Variants in ZNF277 observed in about 807,000 individuals in gnomAD.
ZNF277 encodes the protein nuclear receptor-interacting factor 4.
In ZNF277, 55 loss-of-function variants were observed where a neutral mutation model predicts 60.7. The ratio of observed to expected loss-of-function variants is 0.91; its 90% CI spans 0.73 to 1.13. ZNF277 has a LOEUF of 1.13. ZNF277 is among the 50% of genes most tolerant of loss of function. The pLI is 0.00. For missense variants in ZNF277, 510 were observed against 523.0 expected (o/e 0.98, Z 0.24); for synonymous variants, 178 against 179.3 (o/e 0.99, Z 0.06).
At chr7:112,277,587 A>G (rs1055342853) in intron 1 of ZNF277, among the ~76,000 whole-genome samples, 11 of 152,220 alleles carry the variant, frequency 7.2e-5, no homozygotes, top group Non-Finnish European at 1.3e-4. Context: ...TTAAATTTAA[A>G]TTAATTAAAA....
chr7:112,245,137 T>C (rs1791054120), intron 1 of ZNF277, among the ~76,000 whole-genome samples: 1 of 152,218 alleles, frequency 6.6e-6, no homozygotes. Context: ...GTTCTTGGCT[T>C]TCTGATTTCT....
At chr7:112,307,447 ACT>A (rs1246982378) in intron 4 of ZNF277, among the ~76,000 whole-genome samples, 5 of 151,230 alleles carry the variant, frequency 3.3e-5, no homozygotes, top group Non-Finnish European at 5.9e-5. Flanking sequence ...AGACAGTCTC[ACT>A]CTGTCGCCAG....
At chr7:112,311,251 C>G (rs1792726241) in intron 4 of ZNF277, among the ~76,000 whole-genome samples, 1 of 152,098 alleles carries the variant, frequency 6.6e-6, no homozygotes, top group Non-Finnish European at 1.5e-5. Context: ...AGATGAAAGA[C>G]TAGGCATTGA....
At chr7:112,287,158 C>A in intron 2 of ZNF277, 84 bp downstream of exon 2, 3 of 1,436,232 alleles carry the variant, frequency 2.1e-6, no homozygotes, top group Non-Finnish European at 2.9e-6. Context: ...TTTGGGAGGC[C>A]AAAGTGGGAG....
At chr7:112,301,747 A>G (rs1443896322) in intron 4 of ZNF277, among the ~76,000 whole-genome samples, 1 of 150,844 alleles carries the variant, frequency 6.6e-6, no homozygotes, top group Non-Finnish European at 1.5e-5. Context: ...CTTTTCAATT[A>G]TAGTTAGTTA....
chr7:112,306,718 T>A (rs1040295259), intron 4 of ZNF277, among the ~76,000 whole-genome samples: 2 of 150,292 alleles, frequency 1.3e-5, no homozygotes, highest in African/African-American at 5.0e-5. Flanking sequence ...TGACCTATCC[T>A]GTCTTTTAAA....
At chr7:112,214,344 A>T (rs541136421) in intron 1 of ZNF277, among the ~76,000 whole-genome samples, 1 of 152,350 alleles carries the variant, frequency 6.6e-6, no homozygotes, top group South Asian at 2.1e-4. Flanking sequence ...CTTCTTAGAG[A>T]ACTTTGCCAC....
intron 1 of ZNF277, among the ~76,000 whole-genome samples, chr7:112,217,018 C>A (rs1040708471): frequency 6.6e-6 from 1 of 152,166 alleles, no homozygotes; most frequent in African/African-American, 2.4e-5. Flanking sequence ...AGGTTTCGTT[C>A]ATTCAAAAAT....
At chr7:112,334,839 CA>C (rs138194693) in intron 7 of ZNF277, among the ~76,000 whole-genome samples, 8,111 of 152,186 alleles carry the variant, frequency 0.053, 541 homozygotes, top group African/African-American at 0.16. Context: ...AGATTTAATT[CA>C]TTACCAAACT....
At chr7:112,218,415 T>C (rs1821942372) in intron 1 of ZNF277, among the ~76,000 whole-genome samples, 1 of 152,228 alleles carries the variant, frequency 6.6e-6, no homozygotes, top group African/African-American at 2.4e-5. Context: ...TATGTATTAA[T>C]ATACACTGTG....
At chr7:112,310,464 A>AGAGAGT (rs1792697851) in intron 4 of ZNF277, among the ~76,000 whole-genome samples, 1 of 144,584 alleles carries the variant, frequency 6.9e-6, no homozygotes, top group African/African-American at 2.8e-5. Context: ...TGAGAGAGAG[A>AGAGAGT]GAGAGAGAGA....
intron 4 of ZNF277, 23 bp downstream of exon 4, chr7:112,296,334 G>A (rs1272942247): frequency 7.6e-7 from 1 of 1,309,914 alleles, no homozygotes; most frequent in East Asian, 2.4e-5. Flanking sequence ...TTTAAAGGGT[G>A]AATAGTGTCT....
intron 7 of ZNF277, among the ~76,000 whole-genome samples, chr7:112,335,387 C>CA (rs1276559665): frequency 6.6e-6 from 1 of 152,004 alleles, no homozygotes; most frequent in East Asian, 1.9e-4. Flanking sequence ...CCAAGGGGAA[C>CA]AAAAGAATTG....
At chr7:112,207,362 C>CCTA (rs1189460663) in intron 1 of ZNF277, among the ~76,000 whole-genome samples, 1 of 152,144 alleles carries the variant, frequency 6.6e-6, no homozygotes, top group Non-Finnish European at 1.5e-5. Flanking sequence ...TCACAACCTC[C>CCTA]CTGTAGATGG....
At chr7:112,271,329 T>C (rs1174781059) in intron 1 of ZNF277, among the ~76,000 whole-genome samples, 1 of 152,180 alleles carries the variant, frequency 6.6e-6, no homozygotes, top group Non-Finnish European at 1.5e-5. Flanking sequence ...TCCAGCATCA[T>C]TTTATTCCCT....
At chr7:112,341,490 T>G (rs1006333863) in intron 11 of ZNF277, among the ~76,000 whole-genome samples, 1 of 152,240 alleles carries the variant, frequency 6.6e-6, no homozygotes, top group African/African-American at 2.4e-5. Context: ...TCTATATGCC[T>G]ACATTTTAGC....
chr7:112,337,990 A>G (rs897474917), intron 9 of ZNF277, among the ~76,000 whole-genome samples, 164 bp downstream of exon 9: 4 of 152,194 alleles, frequency 2.6e-5, no homozygotes, highest in African/African-American at 9.7e-5. Context: ...CAATTTAGTT[A>G]GTACAGTTGA....
chr7:112,324,164 T>A (rs1380444062), intron 5 of ZNF277, among the ~76,000 whole-genome samples: 1 of 152,136 alleles, frequency 6.6e-6, no homozygotes, highest in African/African-American at 2.4e-5. Context: ...TCAAAAAAAA[T>A]TTAATATACC....
At chr7:112,275,675 C>T (rs1221823891) in intron 1 of ZNF277, among the ~76,000 whole-genome samples, 2 of 152,090 alleles carry the variant, frequency 1.3e-5, no homozygotes, top group African/African-American at 2.4e-5. Flanking sequence ...TTATTTCTAT[C>T]ATGAATTTAT....
Sources: allele counts gnomAD v4.1 joint callset (sites outside exome capture counted in the v4.1 genomes callset), GRCh38; gene constraint gnomAD v4.1.1; transcripts MANE v1.5; gene names NCBI Gene and HGNC (gene_info 2026-07-23, HGNC 2026-07-21).